ZNF630: variants seen among roughly 807,000 people sequenced by gnomAD.
ZNF630 encodes the protein dJ54B20.2 (novel KRAB box containing C2H2 type zinc finger protein).
A neutral mutation model predicts 7.2 loss-of-function variants in ZNF630; 5 were observed. The observed-to-expected ratio is 0.70, with a 90% CI of 0.36 to 1.46. The LOEUF (loss-of-function observed/expected upper bound fraction) is 1.46, where lower values mean the gene tolerates loss of function less well. Among genes scored for constraint, ZNF630 ranks in the 40% most tolerant of loss-of-function variants. The pLI is 0.03. For missense variants in ZNF630, 461 were observed against 477.0 expected (o/e 0.97, Z 0.31); for synonymous variants, 158 against 162.8 (o/e 0.97, Z 0.23).
At chrX:48,060,240 C>T (rs1373347849) in intron 4 of ZNF630, 37 bp from the exon 5 acceptor site, 1 of 5,089 alleles carries the variant, frequency 2.0e-4, no homozygotes, top group East Asian at 0.2. Flanking sequence ...CAAATACACA[C>T]ACACACACAC....
intron 2 of ZNF630, among the ~76,000 whole-genome samples, chrX:48,063,184 C>A (rs2059115053): frequency 1.1e-5 from 1 of 92,156 alleles, no homozygotes; most frequent in Non-Finnish European, 2.1e-5. Context: ...AAAAACCTGG[C>A]AAAAATACCT....
chrX:48,064,707 G>T (rs940725504), intron 2 of ZNF630, among the ~76,000 whole-genome samples: 1 of 111,534 alleles, frequency 9.0e-6, no homozygotes, highest in Non-Finnish European at 1.9e-5. Context: ...CAAGCAATCC[G>T]CCCACCTTGG....
rs189472791 is a variant in ZNF630 at position 48,071,550 on chromosome X, T to G, written c.-459A>C. ...AGGTGCGTTTGGGGGCCCGGGGGAG[T>G]CCTCGTGATATCTCCGAGTTTGGGT... is the stretch of plus-strand genomic sequence containing the variant. On this transcript the variant is annotated 5_prime_UTR_variant, in exon 1 of 5. Coordinates refer to ENST00000276054, the MANE Select transcript of ZNF630 (RefSeq NM_001282201.2). 4.5e-5 allele frequency: 5 copies of G among 110,459 alleles called. No homozygotes were observed. Among genetic ancestry groups the G allele is most frequent in the African/African-American group, 1.7e-4 (5 of 30,167 alleles). 9.1% of individuals were successfully genotyped at this position (110,459 alleles called of 1,213,427 possible).
chrX:48,066,115 A>G (rs2059129830), intron 2 of ZNF630, among the ~76,000 whole-genome samples: 1 of 111,376 alleles, frequency 9.0e-6, no homozygotes, highest in Non-Finnish European at 1.9e-5. Flanking sequence ...ACATGACAAT[A>G]ATGAGATCAC....
chrX:48,070,742 G>A (rs148367572), intron 1 of ZNF630, among the ~76,000 whole-genome samples: 2,794 of 109,745 alleles, frequency 0.025, 50 homozygotes, highest in Middle Eastern at 0.071. Flanking sequence ...ATAAGAAAAT[G>A]TGCTCAAACT....
rs55774425 is a variant in ZNF630 at position 48,065,441 on chromosome X, A to AAAGAAAGAAAG, written c.15+1430_15+1431insCTTTCTTTCTT. Reference sequence around the variant, plus strand: ...CTGGGGTGAAACCCGGTCTCAAAAAAAAAGAAAGAAAGAAAGAGAGAGAGA... The same window carrying AAAGAAAGAAAG: ...CTGGGGTGAAACCCGGTCTCAAAAAAAAGAAAGAAAGAAAGAAAGAAAGAAAGAGAGAGAGA... On this transcript the variant is annotated intron_variant, in intron 2 of 4. Coordinates refer to ENST00000276054, the MANE Select transcript of ZNF630 (RefSeq NM_001282201.2). Among the ~76,000 whole-genome samples, 171 of 96,734 alleles carry AAAGAAAGAAAG rather than the reference A, an allele frequency of 1.8e-3. 4 individuals carry two copies. The highest frequency in any genetic ancestry group is 3.6e-3 in the African/African-American group (91 of 25,074). The allele number at this position is 96,734 out of a possible 115,157, so 84.0% of individuals were successfully genotyped here.
intron 2 of ZNF630, among the ~76,000 whole-genome samples, chrX:48,062,956 A>AAGAG (rs781974474): frequency 7.5e-4 from 37 of 49,513 alleles, no homozygotes; most frequent in Middle Eastern, 0.011. Flanking sequence ...GAAAGAAAGA[A>AAGAG]AGAGAGAGAG....
At chrX:48,062,994 G>GAGGA (rs1556909493) in intron 2 of ZNF630, among the ~76,000 whole-genome samples, 48 of 101,220 alleles carry the variant, frequency 4.7e-4, no homozygotes, top group Non-Finnish European at 9.0e-4. Flanking sequence ...GGGAGGGAGG[G>GAGGA]AGGAAGGAAG....
rs1432323259 is a variant in ZNF630, at chrX:48,065,625, A to G, written c.15+1247T>C. Among the ~76,000 whole-genome samples, 20 of 107,373 alleles carry G rather than the reference A, an allele frequency of 1.9e-4. No individual in the cohort carries two copies. The Admixed American group carries it at 1.9e-3, about 10-fold the overall frequency. 93.2% of individuals were successfully genotyped at this position (107,373 alleles called of 115,157 possible). ...TTGAACCTGGGAGGCAGAGGTTGCA[A>G]TGAGCGGATATCGTGCCATTGCACT... On this transcript the variant is annotated intron_variant, in intron 2 of 4. Coordinates refer to ENST00000276054, the MANE Select transcript of ZNF630 (RefSeq NM_001282201.2).
Position 48,060,076 on chromosome X carries a change from A to T in ZNF630, c.366T>A (p.Asp122Glu), listed in dbSNP as rs1556908884. ...TTCCTTGATATCTATCCATCTGATT[A>T]TCAATATGCCAGATTTTTAAAACAG... ...LYSVLKIWHIDNQMDRYQGNQ... is the reference protein window; with the variant it reads ...LYSVLKIWHIENQMDRYQGNQ... The change falls in exon 5 of 5, where the codon GAT (aspartate) becomes GAA (glutamate). Residue 122 changes from aspartate (D) to glutamate (E), a missense_variant. Coordinates refer to ENST00000276054, the MANE Select transcript of ZNF630 (RefSeq NM_001282201.2). 8.3e-7 allele frequency: 1 copy of T among 1,201,358 alleles called. No individual in the cohort carries two copies. Among genetic ancestry groups the T allele is most frequent in the Non-Finnish European group, 1.1e-6 (1 of 889,075 alleles).
At position 48,059,410 on chromosome X, in the gene ZNF630, C is replaced by A. The variant is rs1556908610; in HGVS notation, c.1032G>T (p.Glu344Asp). ...FTVHQRVHTG[E>D]KPYECFECPK... ...GACACTCAAAACACTCATAGGGTTT[C>A]TCTCCAGTATGGACTCTCTGATGAA... The change falls in exon 5 of 5, where the codon GAG (glutamate) becomes GAT (aspartate). Residue 344 changes from glutamate (E) to aspartate (D), a missense_variant. Glu to Asp is a conservative substitution (Grantham distance 45). Coordinates refer to ENST00000276054, the MANE Select transcript of ZNF630 (RefSeq NM_001282201.2). The A allele has an allele frequency of 8.3e-7, 1 of 1,208,144 alleles. No individual in the cohort carries two copies. Among genetic ancestry groups the A allele is most frequent in the South Asian group, 1.8e-5 (1 of 56,907 alleles).
intron 2 of ZNF630, among the ~76,000 whole-genome samples, chrX:48,063,753 T>C (rs12391864): frequency 9.1e-6 from 1 of 110,166 alleles, no homozygotes; most frequent in African/African-American, 3.3e-5. Context: ...CCGGGCGTGG[T>C]GGCAGGCACT....
chrX:48,060,839 T>C lies in ZNF630; in HGVS notation c.122A>G (p.Tyr41Cys), dbSNP rs782487217. ...TLHRDVMLET[Y>C]NHLVSVGCSG... ...CTTACCCACGGAGACCAGGTGATTA[T>C]AGGTCTCCAGCATCACATCCCTATG... Residue 41 changes from tyrosine (Y) to cysteine (C), a missense_variant, in exon 3 of 5, where the codon TAT becomes TGT. Tyr to Cys is a radical substitution (Grantham distance 194, BLOSUM62 -2). Transcript: ENST00000276054. 5 of 1,201,716 alleles carry C rather than the reference T, an allele frequency of 4.2e-6. No homozygotes were observed. Among genetic ancestry groups the C allele is most frequent in the Non-Finnish European group, 4.5e-6 (4 of 889,593 alleles).
rs1556910197 is a variant in ZNF630, at chrX:48,067,052, G to A, written c.-166C>T. ...ATCTGACTCGGTAATTCCATTTCCG[G>A]AACTTCGTCCTAAGGTAATAATCAT... On this transcript the variant is annotated 5_prime_UTR_variant, in exon 2 of 5. Coordinates refer to ENST00000276054, the MANE Select transcript of ZNF630 (RefSeq NM_001282201.2). 1 of 542,775 alleles carries A rather than the reference G, an allele frequency of 1.8e-6. No homozygotes were observed. The highest frequency in any genetic ancestry group is 2.3e-5 in the African/African-American group (1 of 42,922). The allele number at this position is 542,775 out of a possible 1,213,427, so 44.7% of individuals were successfully genotyped here. A position where few individuals can be genotyped will look rare whatever the true frequency, so the allele number is the denominator to read the frequency against.
At chrX:48,065,023 C>T (rs2059123601) in intron 2 of ZNF630, among the ~76,000 whole-genome samples, 1 of 112,012 alleles carries the variant, frequency 8.9e-6, no homozygotes, top group Non-Finnish European at 1.9e-5. Flanking sequence ...AGTTTGCTGA[C>T]CCCTGACTTA....
chrX:48,063,748 C>T (rs1269650297), intron 2 of ZNF630, among the ~76,000 whole-genome samples: 2 of 110,118 alleles, frequency 1.8e-5, no homozygotes, highest in East Asian at 2.8e-4. Context: ...ATTAGCCGGG[C>T]GTGGTGGCAG....
At chrX:48,068,191 GAAGGAAGGAAAGAAAAGA>G (rs1413274125) in intron 1 of ZNF630, among the ~76,000 whole-genome samples, 1 of 84,959 alleles carries the variant, frequency 1.2e-5, no homozygotes, top group Non-Finnish European at 2.2e-5. Flanking sequence ...AGGAAGGAAG[GAAGGAAGGAAAGAAAAGA>G]AAAGAAAAGA....
Position 48,068,220 on chromosome X carries a change from AAAAAG to A in ZNF630, c.-175-1164_-175-1160del, listed in dbSNP as rs782295862. Among the ~76,000 whole-genome samples, 52 of 35,777 alleles carry A rather than the reference AAAAAG, an allele frequency of 1.5e-3. 3 individuals carry two copies. The highest frequency in any genetic ancestry group is 4.2e-3 in the South Asian group (3 of 707). 31.1% of individuals were successfully genotyped at this position (35,777 alleles called of 115,157 possible). A position where few individuals can be genotyped will look rare whatever the true frequency, so the allele number is the denominator to read the frequency against. Reference sequence around the variant, plus strand: ...GAAGGAAAGAAAAGAAAAGAAAAGAAAAAAGAAAAGAAAAGAAAAGAAAAGAGGGA... The same window carrying A: ...GAAGGAAAGAAAAGAAAAGAAAAGAAAAAAGAAAAGAAAAGAAAAGAGGGA... On this transcript the variant is annotated intron_variant, in intron 1 of 4. Transcript: ENST00000276054.
Position 48,058,365 on chromosome X carries a change from A to G in ZNF630, c.*103T>C. The G allele has an allele frequency of 1.2e-6, 1 of 806,391 alleles. No individual in the cohort carries two copies. The highest frequency in any genetic ancestry group is 1.7e-6 in the Non-Finnish European group (1 of 580,671). The allele number at this position is 806,391 out of a possible 1,213,427, so 66.5% of individuals were successfully genotyped here. A position where few individuals can be genotyped will look rare whatever the true frequency, so the allele number is the denominator to read the frequency against. Reference sequence around the variant, plus strand: ...AGGGTAATCATGTATACTGAGGAACATATTAGTCTATTCTACAGTTGAGAA... The same window carrying G: ...AGGGTAATCATGTATACTGAGGAACGTATTAGTCTATTCTACAGTTGAGAA... On this transcript the variant is annotated 3_prime_UTR_variant, in exon 5 of 5. Coordinates refer to ENST00000276054, the MANE Select transcript of ZNF630 (RefSeq NM_001282201.2).
Sources: gnomAD v4.1 joint callset for allele counts (sites outside exome capture counted in the v4.1 genomes callset) on GRCh38, gnomAD v4.1.1 for gene constraint, MANE v1.5 for transcripts, NCBI Gene and HGNC (gene_info 2026-07-23, HGNC 2026-07-21) for gene names.